ADGRL1: variants seen among roughly 807,000 people sequenced by gnomAD.
ADGRL1 encodes adhesion G protein-coupled receptor L1.
Under a neutral mutation model 148.9 loss-of-function variants are expected in ADGRL1, and 31 were observed. The ratio of observed to expected loss-of-function variants is 0.21; its 90% confidence interval spans 0.16 to 0.28. The LOEUF (loss-of-function observed/expected upper bound fraction) is 0.28, where lower values mean the gene tolerates loss of function less well. ADGRL1 is among the 10% of genes least tolerant of loss of function. The pLI, the probability that ADGRL1 is intolerant of heterozygous loss-of-function variation, is 1.00. For missense variants in ADGRL1, 1,521 were observed against 2,058.8 expected (o/e 0.74, Z 5.05); for synonymous variants, 937 against 900.3 (o/e 1.04, Z -0.73).
In ADGRL1 at chr19:14,162,240, C is replaced by A. The variant is rs934410989; in HGVS notation, c.1195+366G>T. ...TCTTTTGTGGATACTGGACTTCCACCCAGGATTTTGGTGGATCCAAGGGTT... is the reference window on the plus strand; with the variant it reads ...TCTTTTGTGGATACTGGACTTCCACACAGGATTTTGGTGGATCCAAGGGTT... On this transcript the variant is annotated intron_variant, in intron 5 of 22. Transcript: ENST00000361434. The surrounding 1 kb of genome is among the most constrained non-coding windows in gnomAD (Gnocchi z 5.4). Among the ~76,000 whole-genome samples the A allele has an allele frequency of 6.6e-6, 1 of 152,124 alleles. No homozygotes were observed. Among genetic ancestry groups the A allele is most frequent in the Non-Finnish European group, 1.5e-5 (1 of 68,010 alleles).
At chr19:14,173,661 G>C (rs1477802263) in intron 3 of ADGRL1, among the ~76,000 whole-genome samples, 2 of 152,104 alleles carry the variant, frequency 1.3e-5, no homozygotes, top group Admixed American at 6.6e-5. Flanking sequence ...CAAATGAACA[G>C]CTAGGCTGGG....
rs1469224557 is a variant in ADGRL1, at chr19:14,157,884, T to C, written c.2533A>G (p.Ile845Val). The C allele has an allele frequency of 1.2e-6, 2 of 1,613,838 alleles. No individual in the cohort carries two copies. The highest frequency in any genetic ancestry group is 1.7e-6 in the Non-Finnish European group (2 of 1,179,918). Reference sequence around the variant, plus strand: ...GAGCAGAGCACCAGCCAGCTTACGATCTCACGGTGAGCCATGAGCACAGCG... The same window carrying C: ...GAGCAGAGCACCAGCCAGCTTACGACCTCACGGTGAGCCATGAGCACAGCG... ...NFAVLMAHRE[I>V]YQGRINELLL... The change falls in exon 13 of 23, where the codon ATC (isoleucine) becomes GTC (valine). Residue 845 changes from isoleucine (I) to valine (V), a missense_variant and splice_region_variant. Physicochemically the swap from Ile to Val is conservative, Grantham distance 29. Transcript: ENST00000361434. This position sits in a 1 kb window ranked among gnomAD's most constrained non-coding sequence, Gnocchi z 7.5.
Position 14,177,743 on chromosome 19 carries a change from G to T in ADGRL1, c.72C>A (p.Gly24=), listed in dbSNP as rs1970922277. The T allele has an allele frequency of 1.2e-6, 2 of 1,609,530 alleles. No homozygotes were observed. The highest frequency in any genetic ancestry group is 2.2e-5 in the East Asian group (1 of 44,872). ...TAVLVTSATQ[G]LSRAGLPFGL... is the part of the protein sequence containing the mutation. ...CGAACGGGAGCCCGGCCCGGCTCAG[G>T]CCTGCAGGGAGGGTTGGGGATGGTG... The change falls in exon 3 of 23, where the codon GGC becomes GGA. Residue 24 remains glycine, a splice_region_variant and synonymous_variant. Transcript: ENST00000361434.
intron 4 of ADGRL1, chr19:14,169,798 G>A (rs527501424): frequency 2.6e-5 from 4 of 152,356 alleles, no homozygotes; most frequent in African/African-American, 9.7e-5. Flanking sequence ...ATTGTGGGAG[G>A]AGAAGGGAAG....
At chr19:14,189,003 C>T (rs10416162) in intron 1 of ADGRL1, among the ~76,000 whole-genome samples, 5 of 151,956 alleles carry the variant, frequency 3.3e-5, no homozygotes, top group Admixed American at 1.3e-4. Context: ...CCACCCGCCT[C>T]GGCCTCCCAA....
At chr19:14,156,879 C>T (rs1300997027) in intron 15 of ADGRL1, 46 bp downstream of exon 15, 1 of 1,594,480 alleles carries the variant, frequency 6.3e-7, no homozygotes, top group African/African-American at 1.3e-5. Flanking sequence ...TGCCGCCCAG[C>T]AGGGAACCAG....
At position 14,163,012 on chromosome 19, in the gene ADGRL1, A is replaced by C. The variant is rs1471843179; in HGVS notation, c.789T>G (p.Ile263Met). The change falls in exon 5 of 23, where the codon ATT (isoleucine) becomes ATG (methionine). Residue 263 changes from isoleucine (I) to methionine (M), a missense_variant. Ile to Met is a conservative substitution (Grantham distance 10). This residue lies in a region of ADGRL1 where 334 missense variants were observed against 512.5 expected (regional missense o/e 0.65). Coordinates refer to ENST00000361434, the MANE Select transcript of ADGRL1 (RefSeq NM_014921.5). ...SPYRWGGKTD[I>M]DLAVDENGLW... Reference sequence around the variant, plus strand: ...GCCCGTTCTCGTCCACCGCCAGGTCAATGTCGGTCTTTCCGCCCCAGCGGT... The same window carrying C: ...GCCCGTTCTCGTCCACCGCCAGGTCCATGTCGGTCTTTCCGCCCCAGCGGT... The C allele has an allele frequency of 1.2e-6, 2 of 1,614,086 alleles. No homozygotes were observed. Among genetic ancestry groups the C allele is most frequent in the Non-Finnish European group, 1.7e-6 (2 of 1,180,004 alleles).
chr19:14,192,841 G>A (rs868672058), intron 1 of ADGRL1, among the ~76,000 whole-genome samples: 17 of 152,174 alleles, frequency 1.1e-4, no homozygotes, highest in Admixed American at 7.9e-4. Context: ...GTGAGCCACC[G>A]TGCCCAGCCT....
chr19:14,158,043 G>A lies in ADGRL1; in HGVS notation c.2374C>T (p.His792Tyr). 2.5e-6 allele frequency: 4 copies of A among 1,614,124 alleles called. No individual in the cohort carries two copies. The highest frequency in any genetic ancestry group is 3.4e-6 in the Non-Finnish European group (4 of 1,179,992). The change falls in exon 13 of 23, where the codon CAC (histidine) becomes TAC (tyrosine). Residue 792 changes from histidine to tyrosine, a missense_variant. His to Tyr is a moderately conservative substitution (Grantham distance 83, BLOSUM62 2). This residue lies in a region of ADGRL1 where 265 missense variants were observed against 431.9 expected (regional missense o/e 0.61). Transcript: ENST00000361434. ...FTVAHLEDKN[H>Y]FNANCSFWNY... is the part of the protein sequence containing the mutation. ...CAGAAGGAGCAGTTAGCATTGAAGT[G>A]GTTCTTGTCCTGTTGTGTGGTGGCA...
At chr19:14,169,948 C>G (rs1452547097) in intron 4 of ADGRL1, 4 of 152,232 alleles carry the variant, frequency 2.6e-5, no homozygotes, top group Admixed American at 1.3e-4. Flanking sequence ...CTCCCCAAAT[C>G]ACTTTCTTCA....
Position 14,150,951 on chromosome 19 carries a change from C to T in ADGRL1, c.4332G>A (p.Glu1444=), listed in dbSNP as rs1244479051. 2 of 1,609,250 alleles carry T rather than the reference C, an allele frequency of 1.2e-6. 1 individual carries two copies. The part of the protein sequence containing the change: ...GYYQVRRPSH[E]GYLAAPGLEG... Reference sequence around the variant, plus strand: ...CAAGGCCTGGGGCTGCCAGGTAGCCCTCGTGGCTAGGACGCCGCACCTGGT... The same window carrying T: ...CAAGGCCTGGGGCTGCCAGGTAGCCTTCGTGGCTAGGACGCCGCACCTGGT... Residue 1444 remains glutamate, a synonymous_variant, in exon 23 of 23, where the codon GAG becomes GAA. Coordinates refer to ENST00000361434, the MANE Select transcript of ADGRL1 (RefSeq NM_014921.5).
At chr19:14,167,728 CAG>C (rs1383763398) in intron 4 of ADGRL1, among the ~76,000 whole-genome samples, 5 of 149,720 alleles carry the variant, frequency 3.3e-5, no homozygotes, top group Admixed American at 6.7e-5. Flanking sequence ...ACCCGGGCCC[CAG>C]AGAGAGCCAG....
chr19:14,198,607 C>T (rs1236807223), intron 1 of ADGRL1, among the ~76,000 whole-genome samples: 1 of 152,116 alleles, frequency 6.6e-6, no homozygotes, highest in Non-Finnish European at 1.5e-5. Flanking sequence ...TACCTCTACC[C>T]CCACCCCTGC....
Position 14,156,160 on chromosome 19 carries a change from G to A in ADGRL1, c.3075C>T (p.Ile1025=). ...VFLMVTLHKM[I]RSSSVLKPDS... ...CGGGCTTGAGCACAGATGAGCTTCG[G>A]ATCATCTTGTGCAGGGTCACCATGA... The change falls in exon 17 of 23, where the codon ATC becomes ATT. Residue 1025 remains isoleucine (I), a synonymous_variant. Coordinates refer to ENST00000361434, the MANE Select transcript of ADGRL1 (RefSeq NM_014921.5). 2 of 1,612,818 alleles carry A rather than the reference G, an allele frequency of 1.2e-6. No individual in the cohort carries two copies. The highest frequency in any genetic ancestry group is 1.1e-5 in the South Asian group (1 of 90,720).
Position 14,157,098 on chromosome 19 carries a change from A to T in ADGRL1, c.2793T>A (p.Ala931=). ...FAGLLHYFFL[A]AFSWLCLEGV... ...CCTCCAGGCACAGCCAGGAGAAGGCAGCCAGGAAGAAATAGTGCAGCAGGC... is the reference window on the plus strand; with the variant it reads ...CCTCCAGGCACAGCCAGGAGAAGGCTGCCAGGAAGAAATAGTGCAGCAGGC... Residue 931 remains alanine (A), a synonymous_variant, in exon 15 of 23, where the codon GCT becomes GCA. Transcript: ENST00000361434. The surrounding 1 kb of genome is among the most constrained non-coding windows in gnomAD (Gnocchi z 7.5). The T allele has an allele frequency of 6.2e-7, 1 of 1,614,140 alleles. No individual in the cohort carries two copies. Among genetic ancestry groups the T allele is most frequent in the South Asian group, 1.1e-5 (1 of 91,086 alleles).
intron 3 of ADGRL1, 198 bp from the exon 4 acceptor site, chr19:14,170,989 T>G (rs1970424813): frequency 3.5e-5 from 19 of 535,554 alleles, no homozygotes; most frequent in Non-Finnish European, 6.1e-5. Flanking sequence ...GTGTTGGAGG[T>G]GGGGCCTGGT....
intron 3 of ADGRL1, among the ~76,000 whole-genome samples, chr19:14,175,742 AC>A (rs1230208646): frequency 6.6e-6 from 1 of 152,104 alleles, no homozygotes; most frequent in Non-Finnish European, 1.5e-5. Context: ...AAAAATGCAC[AC>A]ATACTCACAC....
rs1968325498 is a variant in ADGRL1, at chr19:14,152,592, T to A, written c.3445A>T (p.Asn1149Tyr). The change falls in exon 20 of 23, where the codon AAT (asparagine) becomes TAT (tyrosine). Residue 1149 changes from asparagine to tyrosine, a missense_variant. By Grantham distance (143) the Asn-to-Tyr change is moderately radical. Transcript: ENST00000361434. This position sits in a 1 kb window ranked among gnomAD's most constrained non-coding sequence, Gnocchi z 6.1. ...TCCGTCTGTTTCCTCACAGTGTCAT[T>A]CCACATCCTCCGAATTCGGCTCTGG... Reference protein sequence around the residue: ...GTQSRIRRMWNDTVRKQTESS... With the variant: ...GTQSRIRRMWYDTVRKQTESS... The A allele has an allele frequency of 6.2e-7, 1 of 1,613,908 alleles. No individual in the cohort carries two copies.
rs372212661 is a variant in ADGRL1 at position 14,157,960 on chromosome 19, C to T, written c.2457G>A (p.Val819=). 5.6e-6 allele frequency: 9 copies of T among 1,614,222 alleles called. No individual in the cohort carries two copies. Among genetic ancestry groups the T allele is most frequent in the South Asian group, 1.1e-5 (1 of 91,086 alleles). Residue 819 remains valine, a synonymous_variant, in exon 13 of 23, where the codon GTG becomes GTA. Transcript: ENST00000361434. The surrounding 1 kb of genome is among the most constrained non-coding windows in gnomAD (Gnocchi z 7.5). The part of the protein sequence containing the change: ...GYWSTQGCRL[V]ESNKTHTTCA... Reference sequence around the variant, plus strand: ...ACGTGGTATGGGTCTTGTTGGACTCCACCAGGCGGCAGCCTTGGGTCGACC... The same window carrying T: ...ACGTGGTATGGGTCTTGTTGGACTCTACCAGGCGGCAGCCTTGGGTCGACC...
Sources: gnomAD v4.1 joint callset for allele counts (sites outside exome capture counted in the v4.1 genomes callset) on GRCh38, gnomAD v4.1.1 for gene constraint, gnomAD v4.1.1 regional missense constraint, Gnocchi (gnomAD v3.1) non-coding constraint, MANE v1.5 for transcripts, NCBI Gene and HGNC (gene_info 2026-07-23, HGNC 2026-07-21) for gene names.